Variants in GFRA1 observed in about 807,000 individuals in gnomAD.
GFRA1 encodes the protein GDNF family receptor alpha 1.
In GFRA1, 16 loss-of-function variants were observed where a neutral mutation model predicts 51.6. The ratio of observed to expected loss-of-function variants is 0.31; its 90% CI spans 0.21 to 0.47. The LOEUF (loss-of-function observed/expected upper bound fraction) is 0.47, where lower values mean the gene tolerates loss of function less well. GFRA1 is among the 20% of genes least tolerant of loss of function. GFRA1 has a pLI of 1.00. For missense variants in GFRA1, 530 were observed against 594.3 expected, an observed-to-expected ratio of 0.89 and a Z score of 1.13; for synonymous variants, 270 against 241.3, an observed-to-expected ratio of 1.12 and a Z score of -1.10.
Position 116,225,989 on chromosome 10 carries a change from G to A in GFRA1, c.419-14344C>T, listed in dbSNP as rs61866397. Among the ~76,000 whole-genome samples, 371 of 152,220 alleles carry A rather than the reference G, an allele frequency of 2.4e-3. 2 individuals carry two copies. The highest frequency in any genetic ancestry group is 4.2e-3 in the Non-Finnish European group (285 of 68,024). On this transcript the variant is annotated intron_variant, in intron 4 of 10. Coordinates refer to ENST00000355422, the MANE Select transcript of GFRA1 (RefSeq NM_005264.8). The stretch of plus-strand genomic sequence containing the variant: ...CAATTACAGATGTGGCTCATATTAT[G>A]TTTCTATTGGACAGTGCTGGTCTAG...
chr10:116,230,284 C>G (rs1966595075), intron 4 of GFRA1, among the ~76,000 whole-genome samples: 1 of 152,194 alleles, frequency 6.6e-6, no homozygotes, highest in Non-Finnish European at 1.5e-5. Flanking sequence ...TGATGTAATT[C>G]TTATGCTATC....
chr10:116,181,420 C>T (rs901909984), intron 5 of GFRA1, among the ~76,000 whole-genome samples: 3 of 152,172 alleles, frequency 2.0e-5, no homozygotes, highest in African/African-American at 7.2e-5. Context: ...GGAAAGGACC[C>T]TGGGCCAGGA....
intron 5 of GFRA1, among the ~76,000 whole-genome samples, chr10:116,192,650 C>T (rs1963377084): frequency 6.6e-6 from 1 of 152,174 alleles, no homozygotes; most frequent in South Asian, 2.1e-4. Context: ...TCAAAGCTGA[C>T]CAGCTCCTGC....
intron 4 of GFRA1, among the ~76,000 whole-genome samples, chr10:116,232,501 A>G (rs370428127): frequency 2.1e-5 from 1 of 46,728 alleles, no homozygotes; most frequent in Non-Finnish European, 5.7e-5. Context: ...GTTTCCTCAT[A>G]CAAAAAAAAA....
At chr10:116,122,560 C>T (rs1957690699) in intron 6 of GFRA1, among the ~76,000 whole-genome samples, 1 of 152,194 alleles carries the variant, frequency 6.6e-6, no homozygotes, top group Non-Finnish European at 1.5e-5. Context: ...ATTCTCACTA[C>T]AGCTTAGCAG....
At chr10:116,186,979 CCTTTTTCAAGAACCA>C (rs1490439338) in intron 5 of GFRA1, among the ~76,000 whole-genome samples, 1 of 152,120 alleles carries the variant, frequency 6.6e-6, no homozygotes, top group Admixed American at 6.5e-5. Context: ...CGTCTCGGTC[CCTTTTTCAAGAACCA>C]CTAATGTTCC....
chr10:116,170,000 C>G (rs1034341762), intron 5 of GFRA1, among the ~76,000 whole-genome samples: 2 of 152,162 alleles, frequency 1.3e-5, no homozygotes, highest in Non-Finnish European at 2.9e-5. Flanking sequence ...GCACTCGCCC[C>G]AGCTCCTGCA....
intron 4 of GFRA1, among the ~76,000 whole-genome samples, chr10:116,221,714 C>A (rs1274428669): frequency 6.6e-6 from 1 of 152,098 alleles, no homozygotes; most frequent in Non-Finnish European, 1.5e-5. Flanking sequence ...CGTGAATCAC[C>A]GCACCTGGTC....
At position 116,216,219 on chromosome 10, in the gene GFRA1, G is replaced by C. The variant is rs74158407; in HGVS notation, c.419-4574C>G. 2.2e-3 allele frequency among the ~76,000 whole-genome samples: 337 copies of C among 152,282 alleles called. 3 individuals are homozygous for C. The highest frequency in any genetic ancestry group is 7.8e-3 in the African/African-American group (326 of 41,542). On this transcript the variant is annotated intron_variant, in intron 4 of 10. Transcript: ENST00000355422. The stretch of plus-strand genomic sequence containing the variant: ...AATGTTGCTGATTAAACTTTCTTGA[G>C]TGCTACTCATCCACATGACTAGTGT...
intron 6 of GFRA1, among the ~76,000 whole-genome samples, chr10:116,112,726 T>C (rs1957260527): frequency 6.6e-6 from 1 of 152,162 alleles, no homozygotes; most frequent in East Asian, 1.9e-4. Context: ...GGCTCAGTGC[T>C]CCAGCCTGCC....
chr10:116,130,843 G>C (rs1005806303), intron 5 of GFRA1, among the ~76,000 whole-genome samples: 2 of 151,938 alleles, frequency 1.3e-5, no homozygotes, highest in Non-Finnish European at 2.9e-5. Flanking sequence ...AGAAACATAA[G>C]ATAATCTTGG....
At chr10:116,079,123 C>T (rs1955741275) in intron 9 of GFRA1, among the ~76,000 whole-genome samples, 1 of 152,006 alleles carries the variant, frequency 6.6e-6, no homozygotes, top group South Asian at 2.1e-4. Context: ...GAGGATGAGA[C>T]ACCAGAGGTC....
intron 5 of GFRA1, among the ~76,000 whole-genome samples, chr10:116,168,132 A>C (rs564383390): frequency 1.3e-4 from 16 of 126,416 alleles, no homozygotes; most frequent in Admixed American, 1.3e-3. Flanking sequence ...TCAAACCTTC[A>C]AAAACCAGGG....
chr10:116,235,557 G>T (rs1488821740), intron 4 of GFRA1, among the ~76,000 whole-genome samples: 3 of 152,082 alleles, frequency 2.0e-5, no homozygotes, highest in African/African-American at 7.2e-5. Flanking sequence ...ACATTGGGTT[G>T]AGACTGTGGG....
At chr10:116,069,240 A>G (rs1456164264) in intron 9 of GFRA1, among the ~76,000 whole-genome samples, 1 of 152,250 alleles carries the variant, frequency 6.6e-6, no homozygotes, top group African/African-American at 2.4e-5. Flanking sequence ...AATTCGAACT[A>G]TTCTTACAGT....
chr10:116,161,842 A>G (rs1186525955), intron 5 of GFRA1, among the ~76,000 whole-genome samples: 1 of 152,248 alleles, frequency 6.6e-6, no homozygotes, highest in African/African-American at 2.4e-5. Flanking sequence ...AAACAGACAA[A>G]TACACCTATA....
chr10:116,147,844 C>G (rs1360529020), intron 5 of GFRA1, among the ~76,000 whole-genome samples: 1 of 152,116 alleles, frequency 6.6e-6, no homozygotes, highest in Admixed American at 6.5e-5. Context: ...ACGCACGCTC[C>G]TCCCCCAGAT....
At position 116,093,663 on chromosome 10, in the gene GFRA1, T is replaced by C. The variant is rs572995870; in HGVS notation, c.1015+39A>G. On this transcript the variant is annotated intron_variant, in intron 8 of 10. Coordinates refer to ENST00000355422, the MANE Select transcript of GFRA1 (RefSeq NM_005264.8). ...TACAGCTGGAGCTCGGAGAAGAAAATGCGTTTGCTCCTTTGTTTCTTATTT... is the reference window on the plus strand; with the variant it reads ...TACAGCTGGAGCTCGGAGAAGAAAACGCGTTTGCTCCTTTGTTTCTTATTT... 21 of 1,593,296 alleles carry C rather than the reference T, an allele frequency of 1.3e-5. No individual in the cohort carries two copies. The African/African-American group carries it at 2.1e-4, about 16-fold the overall frequency.
intron 9 of GFRA1, among the ~76,000 whole-genome samples, chr10:116,066,246 G>C (rs982558536): frequency 1.3e-5 from 2 of 152,088 alleles, no homozygotes; most frequent in African/African-American, 4.8e-5. Context: ...GGGTTCTTGG[G>C]GCTCCTCTCT....
Sources: allele counts gnomAD v4.1 joint callset (sites outside exome capture counted in the v4.1 genomes callset), GRCh38; gene constraint gnomAD v4.1.1; transcripts MANE v1.5; gene names NCBI Gene and HGNC (gene_info 2026-07-23, HGNC 2026-07-21).